SLC24A3: variants seen among roughly 807,000 people sequenced by gnomAD.
SLC24A3 encodes the protein solute carrier family 24 member 3.
SLC24A3 carries 28 observed loss-of-function variants against 75.8 expected under a neutral mutation model. That is an observed-to-expected ratio of 0.37 (90% confidence interval 0.27 to 0.51). SLC24A3 has a LOEUF of 0.51. Among genes scored for constraint, SLC24A3 ranks in the 20% least tolerant of loss-of-function variants. The pLI is 0.94. For synonymous variants in SLC24A3, 372 were observed against 334.1 expected, an observed-to-expected ratio of 1.11 and a Z score of -1.24; for missense variants, 663 against 847.8, an observed-to-expected ratio of 0.78 and a Z score of 2.71.
intron 2 of SLC24A3, among the ~76,000 whole-genome samples, chr20:19,305,587 G>C (rs1427047179): frequency 6.6e-6 from 1 of 151,986 alleles, no homozygotes; most frequent in Non-Finnish European, 1.5e-5. Context: ...AATGGAACAG[G>C]ATAGAGAACC....
intron 6 of SLC24A3, among the ~76,000 whole-genome samples, chr20:19,636,078 T>G (rs1288475815): frequency 6.6e-6 from 1 of 152,148 alleles, no homozygotes; most frequent in Non-Finnish European, 1.5e-5. Flanking sequence ...AGGCAGAGCT[T>G]GCAATGAGCC....
chr20:19,369,514 T>C (rs1985954910), intron 2 of SLC24A3, among the ~76,000 whole-genome samples: 1 of 152,218 alleles, frequency 6.6e-6, no homozygotes, highest in African/African-American at 2.4e-5. Flanking sequence ...TTTACTTTTC[T>C]TGTAAAGACA....
intron 1 of SLC24A3, among the ~76,000 whole-genome samples, chr20:19,275,312 A>T (rs3818054): frequency 0.16 from 24,410 of 152,128 alleles, 2,077 homozygotes; most frequent in East Asian, 0.24. Flanking sequence ...CTGCAAGAGG[A>T]TGGAGTGAGA....
Position 19,212,819 on chromosome 20 carries a change from A to G in SLC24A3, c.-24A>G. ...CGACAGGAGCGGCCGCCGCCCGCCG[A>G]GGCCGCCGCCCGGCCGCCCGAGGAT... On this transcript the variant is annotated 5_prime_UTR_variant, in exon 1 of 17. Coordinates refer to ENST00000328041, the MANE Select transcript of SLC24A3 (RefSeq NM_020689.4). 1 of 980,666 alleles carries G rather than the reference A, an allele frequency of 1.0e-6. No homozygotes were observed. The highest frequency in any genetic ancestry group is 1.2e-4 in the East Asian group (1 of 8,566). 60.7% of individuals were successfully genotyped at this position (980,666 alleles called of 1,614,324 possible). A position where few individuals can be genotyped will look rare whatever the true frequency, so the allele number is the denominator to read the frequency against.
chr20:19,598,472 T>C (rs892397176), intron 6 of SLC24A3, among the ~76,000 whole-genome samples: 1 of 152,162 alleles, frequency 6.6e-6, no homozygotes, highest in Non-Finnish European at 1.5e-5. Flanking sequence ...GGGTGACATA[T>C]CTTGTGTGTG....
intron 2 of SLC24A3, among the ~76,000 whole-genome samples, chr20:19,437,180 GTATCCCCACCC>G (rs2122461430): frequency 6.6e-6 from 1 of 152,278 alleles, no homozygotes; most frequent in East Asian, 1.9e-4. Flanking sequence ...GTTTGGCTCT[GTATCCCCACCC>G]AAGTCTCACT....
At chr20:19,276,549 G>A (rs946706357) in intron 1 of SLC24A3, among the ~76,000 whole-genome samples, 7 of 152,302 alleles carry the variant, frequency 4.6e-5, no homozygotes, top group Admixed American at 4.6e-4. Flanking sequence ...TAACACAGTG[G>A]TAAATATGTA....
chr20:19,229,569 T>C (rs1334345111), intron 1 of SLC24A3, among the ~76,000 whole-genome samples: 1 of 152,136 alleles, frequency 6.6e-6, no homozygotes. Context: ...TGCAATTAAT[T>C]ATTTGAGAGA....
chr20:19,638,659 T>C (rs78268693), intron 6 of SLC24A3, among the ~76,000 whole-genome samples: 3,990 of 152,226 alleles, frequency 0.026, 169 homozygotes, highest in African/African-American at 0.091. Flanking sequence ...GCTATTATTA[T>C]CCCTATTTTT....
chr20:19,468,214 T>C (rs781557858), intron 2 of SLC24A3, among the ~76,000 whole-genome samples: 1 of 152,152 alleles, frequency 6.6e-6, no homozygotes, highest in Non-Finnish European at 1.5e-5. Context: ...TGACAGTGGA[T>C]ACTGAACAAG....
chr20:19,640,111 C>T (rs528292230), intron 6 of SLC24A3, among the ~76,000 whole-genome samples: 1 of 152,356 alleles, frequency 6.6e-6, no homozygotes, highest in Non-Finnish European at 1.5e-5. Flanking sequence ...AAGGGCTCCT[C>T]AAGTGCCTCC....
At chr20:19,364,881 C>CAGGGT (rs1470586123) in intron 2 of SLC24A3, among the ~76,000 whole-genome samples, 1 of 152,048 alleles carries the variant, frequency 6.6e-6, no homozygotes, top group African/African-American at 2.4e-5. Flanking sequence ...CTAGGCCCTA[C>CAGGGT]CAGAAAAGTA....
chr20:19,481,284 G>T (rs1988049323), intron 2 of SLC24A3, among the ~76,000 whole-genome samples: 1 of 152,196 alleles, frequency 6.6e-6, no homozygotes, highest in African/African-American at 2.4e-5. Flanking sequence ...TAACTATTGA[G>T]CAGTGACTAT....
intron 6 of SLC24A3, among the ~76,000 whole-genome samples, chr20:19,645,244 T>A (rs73900590): frequency 0.13 from 19,536 of 152,222 alleles, 1,347 homozygotes; most frequent in Admixed American, 0.15. Flanking sequence ...TAACACACTA[T>A]TCTGCAAAGG....
At chr20:19,704,073 C>T (rs2032901452) in intron 15 of SLC24A3, among the ~76,000 whole-genome samples, 1 of 152,156 alleles carries the variant, frequency 6.6e-6, no homozygotes, top group East Asian at 1.9e-4. Context: ...CTGTGCTCCT[C>T]TATGCATTTA....
Position 19,367,467 on chromosome 20 carries a change from A to G in SLC24A3, c.271+86380A>G, listed in dbSNP as rs919518775. Among the ~76,000 whole-genome samples, 4 of 149,460 alleles carry G rather than the reference A, an allele frequency of 2.7e-5. No individual in the cohort carries two copies. The East Asian group carries it at 7.8e-4, about 29-fold the overall frequency. ...AAAACAAAGCAGAGACGTAAAACAA[A>G]CAAACAAAAAAAGAAGCCCTGCCTT... On this transcript the variant is annotated intron_variant, in intron 2 of 16. Transcript: ENST00000328041.
intron 3 of SLC24A3, among the ~76,000 whole-genome samples, chr20:19,579,208 T>C (rs999252027): frequency 1.3e-5 from 2 of 152,064 alleles, no homozygotes; most frequent in Admixed American, 6.6e-5. Flanking sequence ...GGGAGAAGGA[T>C]GTTGAGTGGT....
At chr20:19,420,660 C>T (rs1986902850) in intron 2 of SLC24A3, among the ~76,000 whole-genome samples, 1 of 93,086 alleles carries the variant, frequency 1.1e-5, no homozygotes, top group Non-Finnish European at 2.0e-5. Flanking sequence ...ATCAAGCTAC[C>T]AATGACTTTC....
chr20:19,494,845 T>C (rs1044501445), intron 2 of SLC24A3, among the ~76,000 whole-genome samples: 1 of 152,198 alleles, frequency 6.6e-6, no homozygotes, highest in African/African-American at 2.4e-5. Context: ...CTTTGGAGAC[T>C]TAGAACAAAA....
Sources: allele counts gnomAD v4.1 joint callset (sites outside exome capture counted in the v4.1 genomes callset), GRCh38; gene constraint gnomAD v4.1.1; transcripts MANE v1.5; gene names NCBI Gene and HGNC (gene_info 2026-07-23, HGNC 2026-07-21).